The following ASTL variants were observed in gnomAD, a reference collection of about 807,000 sequenced individuals.
The protein encoded by ASTL is astacin-like metalloendopeptidase.
In ASTL, 27 loss-of-function variants were observed where a neutral mutation model predicts 36.7. The observed-to-expected ratio is 0.73, with a 90% CI of 0.54 to 1.01. The LOEUF is 1.01. ASTL is among the 50% of genes least tolerant of loss of function. The probability of loss-of-function intolerance (pLI) is 0.00; values close to 1 mark genes in which losing one functional copy is unlikely to be tolerated. For missense variants in ASTL, 524 were observed against 572.8 expected, an observed-to-expected ratio of 0.91 and a Z score of 0.87; for synonymous variants, 222 against 228.1, an observed-to-expected ratio of 0.97 and a Z score of 0.24.
In ASTL at chr2:96,124,225, T is replaced by G; in HGVS notation, c.921A>C (p.Leu307=). ...STGRSPAPAS[L]SLQRLLEALS... is the part of the protein sequence containing the mutation. The stretch of plus-strand genomic sequence containing the variant: ...GTGCCTCCAAAAGCCGCTGCAGAGA[T>G]AGGGAGGCCGGAGCGGGGCTCCTAC... The change falls in exon 9 of 9, where the codon CTA becomes CTC. Residue 307 remains leucine, a synonymous_variant. Coordinates refer to ENST00000342380, the MANE Select transcript of ASTL (RefSeq NM_001002036.4). This position sits in a 1 kb window ranked among gnomAD's most constrained non-coding sequence, Gnocchi z 4.1. The G allele has an allele frequency of 6.6e-7, 1 of 1,517,298 alleles. No individual in the cohort carries two copies. Among genetic ancestry groups the G allele is most frequent in the East Asian group, 2.3e-5 (1 of 44,050 alleles). 94.0% of individuals were successfully genotyped at this position (1,517,298 alleles called of 1,614,324 possible). A position where few individuals can be genotyped will look rare whatever the true frequency, so the allele number is the denominator to read the frequency against.
chr2:96,133,722 C>T, intron 4 of ASTL, 180 bp from the exon 5 acceptor site: 1 of 635,336 alleles, frequency 1.6e-6, no homozygotes, highest in Non-Finnish European at 2.8e-6. Flanking sequence ...TTGGGTAGGT[C>T]ACTGTCCTCT....
intron 3 of ASTL, among the ~76,000 whole-genome samples, chr2:96,134,567 C>T (rs1227563546): frequency 1.3e-5 from 2 of 152,228 alleles, no homozygotes; most frequent in Non-Finnish European, 2.9e-5. Flanking sequence ...AGCACCCCAG[C>T]GTGCCTGTGC....
intron 4 of ASTL, 142 bp from the exon 5 acceptor site, chr2:96,133,684 G>T (rs1025162876): frequency 2.9e-6 from 2 of 680,482 alleles, no homozygotes; most frequent in Non-Finnish European, 5.1e-6. Context: ...AAGAAGCTGG[G>T]CCCCAGACAG....
intron 4 of ASTL, 47 bp from the exon 5 acceptor site, chr2:96,133,589 G>T: frequency 7.3e-7 from 1 of 1,364,026 alleles, no homozygotes; most frequent in Non-Finnish European, 1.1e-6. Flanking sequence ...GGTGGTCTTT[G>T]AGCTCTACCT....
Position 96,123,866 on chromosome 2 carries a change from C to A in ASTL, c.1280G>T (p.Gly427Val), listed in dbSNP as rs1475154071. Residue 427 changes from glycine to valine, a missense_variant, in exon 9 of 9, where the codon GGG (glycine) becomes GTG (valine). Physicochemically the swap from Gly to Val is moderately radical, Grantham distance 109. Coordinates refer to ENST00000342380, the MANE Select transcript of ASTL (RefSeq NM_001002036.4). Reference sequence around the variant, plus strand: ...GCCACAGGCTTAATCTTCGGACATCCCCTTGAAATGATTTCTAGGTACACA... The same window carrying A: ...GCCACAGGCTTAATCTTCGGACATCACCTTGAAATGATTTCTAGGTACACA... ...GGCVPRNHFK[G>V]MSED 6.2e-7 allele frequency: 1 copy of A among 1,613,562 alleles called. No homozygotes were observed. Among genetic ancestry groups the A allele is most frequent in the Non-Finnish European group, 8.5e-7 (1 of 1,179,724 alleles).
chr2:96,123,169 C>T lies in ASTL; in HGVS notation c.*681G>A, dbSNP rs1449736140. ...CGCCTGGCTGAGCTCCAGGGAATAG[C>T]GGTGTAGGGTGGAGACAACTGAGTC... On this transcript the variant is annotated 3_prime_UTR_variant, in exon 9 of 9. Transcript: ENST00000342380. Among the ~76,000 whole-genome samples the T allele has an allele frequency of 1.3e-5, 2 of 152,222 alleles. No homozygotes were observed. The highest frequency in any genetic ancestry group is 1.9e-4 in the East Asian group (1 of 5,188).
In ASTL at chr2:96,136,105, G is replaced by A. The variant is rs185689134; in HGVS notation, c.182-693C>T. On this transcript the variant is annotated intron_variant, in intron 2 of 8. Transcript: ENST00000342380. ...TCTGCTTCTCATCTCTCCCTGAGCC[G>A]GGTCTCCCACAAGTGACTCACAGGG... Among the ~76,000 whole-genome samples the A allele has an allele frequency of 5.3e-5, 8 of 152,296 alleles. No individual in the cohort carries two copies. In the East Asian group the frequency reaches 1.2e-3, roughly 22 times the overall value.
chr2:96,137,119 A>G lies in ASTL; in HGVS notation c.181+456T>C, dbSNP rs192178486. Among the ~76,000 whole-genome samples the G allele has an allele frequency of 1.5e-3, 221 of 152,284 alleles. 3 individuals carry two copies. In the Middle Eastern group the frequency reaches 0.02, roughly 14 times the overall value. ...CAGCCTCCCAAAGTGCTGGGACTAC[A>G]GGCGAGAGCCACCGCACCCAGCTGA... On this transcript the variant is annotated intron_variant, in intron 2 of 8. Transcript: ENST00000342380.
chr2:96,136,255 C>T (rs547439596), intron 2 of ASTL, among the ~76,000 whole-genome samples: 1 of 152,250 alleles, frequency 6.6e-6, no homozygotes, highest in Non-Finnish European at 1.5e-5. Flanking sequence ...GAGCCAGACT[C>T]CTGTCCCTTA....
At position 96,134,503 on chromosome 2, in the gene ASTL, G is replaced by A. The variant is rs1244693485; in HGVS notation, c.244-445C>T. On this transcript the variant is annotated intron_variant, in intron 3 of 8. Coordinates refer to ENST00000342380, the MANE Select transcript of ASTL (RefSeq NM_001002036.4). ...GAAAGTGAGGCAGCACCCTGGCCTC[G>A]GCTGCTTACTTCTGCTCTCCAGCAA... 5.3e-5 allele frequency among the ~76,000 whole-genome samples: 8 copies of A among 152,260 alleles called. No homozygotes were observed. The South Asian group carries it at 6.2e-4, about 12-fold the overall frequency.
At chr2:96,137,533 C>T (rs560531475) in intron 2 of ASTL, 42 bp downstream of exon 2, 13 of 1,602,566 alleles carry the variant, frequency 8.1e-6, no homozygotes, top group East Asian at 6.7e-5. Flanking sequence ...CACTACATAA[C>T]GTCGTGCCCC....
intron 5 of ASTL, 104 bp downstream of exon 5, chr2:96,133,321 G>C (rs113183616): frequency 2.3e-6 from 2 of 860,244 alleles, no homozygotes; most frequent in Non-Finnish European, 3.9e-6. Flanking sequence ...GGGAGACTGA[G>C]CCCTGGAGGA....
rs1415877103 is a variant in ASTL, at chr2:96,124,470, A to G, written c.875-199T>C. On this transcript the variant is annotated intron_variant, in intron 8 of 8. Transcript: ENST00000342380. The surrounding 1 kb of genome is among the most constrained non-coding windows in gnomAD (Gnocchi z 4.1). ...CCATCTCTTCCCTGCCTGGCCCCTG[A>G]AGTCACCATCAGAATGTCAGTCCAC... Among the ~76,000 whole-genome samples, 1 of 152,000 alleles carries G rather than the reference A, an allele frequency of 6.6e-6. No homozygotes were observed. The highest frequency in any genetic ancestry group is 1.5e-5 in the Non-Finnish European group (1 of 67,946).
intron 3 of ASTL, 75 bp from the exon 4 acceptor site, chr2:96,134,133 C>A (rs777247621): frequency 3.5e-5 from 33 of 948,470 alleles, no homozygotes; most frequent in Non-Finnish European, 5.1e-5. Flanking sequence ...TACCACACCC[C>A]AGGGCACCAG....
chr2:96,133,838 G>A (rs2104774662), intron 4 of ASTL, 127 bp downstream of exon 4: 1 of 723,710 alleles, frequency 1.4e-6, no homozygotes, highest in East Asian at 2.7e-5. Context: ...GGGCATCTGT[G>A]GACAGGTTCT....
rs1172578606 is a variant in ASTL at position 96,134,041 on chromosome 2, C to G, written c.261G>C (p.Leu87=). ...DIIRPSPFRL[L]SATSNKWPMG... ...TGGGCCATTTGTTGCTGGTTGCTGA[C>G]AGCAGTCGGAAGGGACTCTGAGGAG... The change falls in exon 4 of 9, where the codon CTG becomes CTC. Residue 87 remains leucine, a synonymous_variant. Transcript: ENST00000342380. The G allele has an allele frequency of 8.7e-6, 14 of 1,613,778 alleles. No individual in the cohort carries two copies. The highest frequency in any genetic ancestry group is 1.1e-5 in the Non-Finnish European group (13 of 1,179,710).
At chr2:96,137,823 C>T (rs1291259990) in intron 1 of ASTL, 123 bp from the exon 2 acceptor site, 3 of 1,023,884 alleles carry the variant, frequency 2.9e-6, no homozygotes, top group Non-Finnish European at 4.2e-6. Flanking sequence ...GAAGAGTAGG[C>T]TCCAGCACAA....
At chr2:96,131,240 T>C (rs1682172920) in intron 6 of ASTL, among the ~76,000 whole-genome samples, 1 of 152,038 alleles carries the variant, frequency 6.6e-6, no homozygotes, top group South Asian at 2.1e-4. Flanking sequence ...ACACATTTTC[T>C]CTGAGCATTG....
chr2:96,136,067 C>T (rs1682293344), intron 2 of ASTL, among the ~76,000 whole-genome samples: 1 of 152,234 alleles, frequency 6.6e-6, no homozygotes, highest in Non-Finnish European at 1.5e-5. Flanking sequence ...AGCCCCTCTC[C>T]CCTCTTAGTC....
Sources: allele counts gnomAD v4.1 joint callset (sites outside exome capture counted in the v4.1 genomes callset), GRCh38; gene constraint gnomAD v4.1.1; non-coding constraint Gnocchi (gnomAD v3.1); transcripts MANE v1.5; gene names NCBI Gene and HGNC (gene_info 2026-07-23, HGNC 2026-07-21).